GDPD5: variants seen among roughly 807,000 people sequenced by gnomAD.
The protein encoded by GDPD5 is glycerophosphodiester phosphodiesterase 2.
Under a neutral mutation model 75.1 loss-of-function variants are expected in GDPD5, and 48 were observed. The observed-to-expected ratio is 0.64, with a 90% CI of 0.51 to 0.81. The LOEUF is 0.81. GDPD5 is among the 40% of genes least tolerant of loss of function. The pLI is 0.00. For missense variants in GDPD5, 706 were observed against 822.6 expected (o/e 0.86, Z 1.73); for synonymous variants, 336 against 339.0 (o/e 0.99, Z 0.10).
chr11:75,506,279 C>T (rs1336981284), intron 1 of GDPD5, among the ~76,000 whole-genome samples: 1 of 152,206 alleles, frequency 6.6e-6, no homozygotes, highest in Non-Finnish European at 1.5e-5. Context: ...CCCAGGAACA[C>T]TGGGTGATGC....
chr11:75,471,274 G>A (rs540389096), intron 3 of GDPD5, among the ~76,000 whole-genome samples: 3 of 152,192 alleles, frequency 2.0e-5, no homozygotes, highest in Non-Finnish European at 4.4e-5. Context: ...CGGGAGATTT[G>A]GGGGAGGTGG....
chr11:75,461,793 C>G (rs1000966025), intron 4 of GDPD5, among the ~76,000 whole-genome samples: 2 of 152,220 alleles, frequency 1.3e-5, no homozygotes, highest in African/African-American at 2.4e-5. Flanking sequence ...GAAGGAACAG[C>G]AATGGATGGG....
At chr11:75,469,647 C>T (rs534399140) in intron 3 of GDPD5, among the ~76,000 whole-genome samples, 18 of 152,222 alleles carry the variant, frequency 1.2e-4, no homozygotes, top group Non-Finnish European at 2.2e-4. Context: ...TCAGAGTTAA[C>T]TAAGATGCCA....
chr11:75,435,953 C>G (rs1366974849), intron 16 of GDPD5, among the ~76,000 whole-genome samples: 1 of 152,224 alleles, frequency 6.6e-6, no homozygotes, highest in Non-Finnish European at 1.5e-5. Context: ...GTCAGCCCCT[C>G]TCTTAGGAGT....
At chr11:75,497,182 C>G (rs1950226446) in intron 1 of GDPD5, among the ~76,000 whole-genome samples, 1 of 152,070 alleles carries the variant, frequency 6.6e-6, no homozygotes, top group South Asian at 2.1e-4. Context: ...CACCAAAAAT[C>G]TAGTCACCAA....
chr11:75,498,858 A>G (rs1401483053), intron 1 of GDPD5, among the ~76,000 whole-genome samples: 3 of 152,214 alleles, frequency 2.0e-5, no homozygotes, highest in Admixed American at 2.0e-4. Flanking sequence ...CTGTTGACTC[A>G]GGAGGGAGAG....
chr11:75,473,380 T>C (rs1949710701), intron 3 of GDPD5, among the ~76,000 whole-genome samples: 1 of 152,014 alleles, frequency 6.6e-6, no homozygotes, highest in Non-Finnish European at 1.5e-5. Context: ...CTGGGCATCA[T>C]GGGAGGATGG....
At chr11:75,505,963 A>G (rs1038663995) in intron 1 of GDPD5, among the ~76,000 whole-genome samples, 1 of 152,148 alleles carries the variant, frequency 6.6e-6, no homozygotes, top group Non-Finnish European at 1.5e-5. Context: ...AGGAACCCCT[A>G]GTTTCTCCCT....
At chr11:75,467,577 G>A (rs1949544342) in intron 3 of GDPD5, among the ~76,000 whole-genome samples, 1 of 152,156 alleles carries the variant, frequency 6.6e-6, no homozygotes, top group African/African-American at 2.4e-5. Context: ...GGGGCTGAGG[G>A]AGCAGCTGGC....
intron 1 of GDPD5, among the ~76,000 whole-genome samples, chr11:75,512,281 G>GACACACACACACACACACACAC (rs145862089): frequency 0.024 from 2,989 of 123,104 alleles, 192 homozygotes; most frequent in East Asian, 0.038. Context: ...AATTGGGAAG[G>GACACACACACACACACACACAC]ACACACACAC....
At chr11:75,469,905 C>A (rs1010383900) in intron 3 of GDPD5, among the ~76,000 whole-genome samples, 2 of 152,238 alleles carry the variant, frequency 1.3e-5, no homozygotes, top group African/African-American at 4.8e-5. Context: ...CACCACCCTT[C>A]TCTTCCAGTC....
chr11:75,514,474 G>A (rs1349532295), intron 1 of GDPD5, among the ~76,000 whole-genome samples: 1 of 152,268 alleles, frequency 6.6e-6, no homozygotes, highest in Non-Finnish European at 1.5e-5. Context: ...CCAGCCCAGG[G>A]CTCTCTGCAC....
intron 9 of GDPD5, chr11:75,448,689 C>G (rs972489620): frequency 1.8e-4 from 203 of 1,137,778 alleles, no homozygotes; most frequent in Non-Finnish European, 2.1e-4. Flanking sequence ...GCATCCATCT[C>G]CTGGGCCTTC....
In GDPD5 at chr11:75,490,234, T is replaced by C. The variant is rs1592131461; in HGVS notation, c.-61+3A>G. The C allele has an allele frequency of 6.6e-6, 1 of 152,250 alleles. No individual in the cohort carries two copies. The highest frequency in any genetic ancestry group is 1.5e-5 in the Non-Finnish European group (1 of 68,066). The allele number at this position is 152,250 out of a possible 1,614,324, so 9.4% of individuals were successfully genotyped here. On this transcript the variant is annotated splice_donor_region_variant and intron_variant, in intron 2 of 16. Transcript: ENST00000336898. ...CTTTCTTCCTCCCTCCTTTTCTCTT[T>C]ACCTGGAAGAAGGTACCGGTGGCTG... is the stretch of plus-strand genomic sequence containing the variant.
At chr11:75,500,790 C>T (rs1335282990) in intron 1 of GDPD5, among the ~76,000 whole-genome samples, 1 of 152,132 alleles carries the variant, frequency 6.6e-6, no homozygotes, top group East Asian at 1.9e-4. Flanking sequence ...ATGAGAATCA[C>T]CCTCCCCATC....
At chr11:75,461,138 C>T (rs1949402709) in intron 4 of GDPD5, among the ~76,000 whole-genome samples, 1 of 152,082 alleles carries the variant, frequency 6.6e-6, no homozygotes, top group Non-Finnish European at 1.5e-5. Flanking sequence ...TGAGTCTTCA[C>T]CCTCTCTGGG....
At chr11:75,445,118 T>C (rs504685) in intron 9 of GDPD5, among the ~76,000 whole-genome samples, 82,766 of 152,046 alleles carry the variant, frequency 0.54, 24,048 homozygotes, top group East Asian at 0.8. Flanking sequence ...AAGTGCTTAA[T>C]AAATAGCAAC....
rs145611466 is a variant in GDPD5, at chr11:75,443,046, C to T, written c.948+90G>A. On this transcript the variant is annotated intron_variant, in intron 11 of 16. Coordinates refer to ENST00000336898, the MANE Select transcript of GDPD5 (RefSeq NM_030792.8). Reference sequence around the variant, plus strand: ...GCGAAAGCTCTGAGAGTGGGGGTCTCGAAGCTGATGGCCACCCTTGCACCT... The same window carrying T: ...GCGAAAGCTCTGAGAGTGGGGGTCTTGAAGCTGATGGCCACCCTTGCACCT... The T allele has an allele frequency of 8.5e-4, 1,248 of 1,474,070 alleles. 6 individuals carry two copies. The African/African-American group carries it at 0.014, about 16-fold the overall frequency. The allele number at this position is 1,474,070 out of a possible 1,614,324, so 91.3% of individuals were successfully genotyped here. A position where few individuals can be genotyped will look rare whatever the true frequency, so the allele number is the denominator to read the frequency against.
intron 15 of GDPD5, among the ~76,000 whole-genome samples, chr11:75,439,007 C>T (rs1948705431): frequency 6.6e-6 from 1 of 152,130 alleles, no homozygotes; most frequent in Non-Finnish European, 1.5e-5. Flanking sequence ...GTGCCAGAGG[C>T]AGGGGGATGG....
Sources: allele counts gnomAD v4.1 joint callset (sites outside exome capture counted in the v4.1 genomes callset), GRCh38; gene constraint gnomAD v4.1.1; transcripts MANE v1.5; gene names NCBI Gene and HGNC (gene_info 2026-07-23, HGNC 2026-07-21).